NXN: variants seen among roughly 807,000 people sequenced by gnomAD.
The protein encoded by NXN is nucleoredoxin.
NXN carries 16 observed loss-of-function variants against 48.6 expected under a neutral mutation model. That is an observed-to-expected ratio of 0.33 (90% confidence interval 0.22 to 0.50). The LOEUF (loss-of-function observed/expected upper bound fraction) is 0.50, where lower values mean the gene tolerates loss of function less well. Among genes scored for constraint, NXN ranks in the 20% least tolerant of loss-of-function variants. The pLI, the probability that NXN is intolerant of heterozygous loss-of-function variation, is 0.98. For synonymous variants in NXN, 281 were observed against 269.6 expected, an observed-to-expected ratio of 1.04 and a Z score of -0.41; for missense variants, 492 against 605.5, an observed-to-expected ratio of 0.81 and a Z score of 1.97.
intron 1 of NXN, among the ~76,000 whole-genome samples, chr17:844,298 A>ACACGT (rs2067835411): frequency 1.5e-5 from 2 of 137,286 alleles, no homozygotes; most frequent in Non-Finnish European, 3.0e-5. Flanking sequence ...CCAGGCCATC[A>ACACGT]CACGTCCCGT....
At chr17:814,464 G>A (rs1912357010) in intron 5 of NXN, among the ~76,000 whole-genome samples, 1 of 152,012 alleles carries the variant, frequency 6.6e-6, no homozygotes, top group Non-Finnish European at 1.5e-5. Flanking sequence ...ATGTGGAAAG[G>A]CCTCCTGACC....
chr17:840,010 T>C (rs569108172), intron 1 of NXN, among the ~76,000 whole-genome samples: 21 of 150,358 alleles, frequency 1.4e-4, no homozygotes, highest in African/African-American at 4.7e-4. Context: ...GGCAGGAGAA[T>C]TGCTTTAACC....
chr17:968,930 C>T (rs333636), intron 1 of NXN, among the ~76,000 whole-genome samples: 13,617 of 149,652 alleles, frequency 0.091, 1,886 homozygotes, highest in African/African-American at 0.3. Flanking sequence ...GAGAGAGACA[C>T]GGTCTCAAAA....
In NXN at chr17:917,762, G is replaced by A. The variant is rs959854884; in HGVS notation, c.360+61557C>T. Among the ~76,000 whole-genome samples, 5 of 152,188 alleles carry A rather than the reference G, an allele frequency of 3.3e-5. No individual in the cohort carries two copies. Among genetic ancestry groups the A allele is most frequent in the African/African-American group, 9.7e-5 (4 of 41,442 alleles). ...AGGGGCGCGTACTGGCACAACAGGC[G>A]GGCGTGGCTCTCGCTCCCCAGGAAG... On this transcript the variant is annotated intron_variant, in intron 1 of 7. Coordinates refer to ENST00000336868, the MANE Select transcript of NXN (RefSeq NM_022463.5). This position sits in a 1 kb window ranked among gnomAD's most constrained non-coding sequence, Gnocchi z 4.5.
chr17:943,348 C>T (rs1672931655), intron 1 of NXN, among the ~76,000 whole-genome samples: 1 of 152,080 alleles, frequency 6.6e-6, no homozygotes, highest in Admixed American at 6.6e-5. Flanking sequence ...AAAGGAGGCT[C>T]CACGGAGGTC....
chr17:908,832 G>A lies in NXN; in HGVS notation c.360+70487C>T, dbSNP rs556305887. Among the ~76,000 whole-genome samples the A allele has an allele frequency of 2.7e-4, 41 of 152,082 alleles. 1 individual carries two copies. The South Asian group carries it at 8.5e-3, about 32-fold the overall frequency. ...TAATAATACACTCCCGGCTGGGTGC[G>A]GTGGCTCACACCTGTAATCCCAGCA... On this transcript the variant is annotated intron_variant, in intron 1 of 7. Transcript: ENST00000336868.
At chr17:929,669 TC>T (rs1198641800) in intron 1 of NXN, 3 of 152,128 alleles carry the variant, frequency 2.0e-5, no homozygotes, top group African/African-American at 7.2e-5. Flanking sequence ...CTACCACGCA[TC>T]CCTCAATCCC....
At chr17:824,342 T>G (rs1807166) in intron 2 of NXN, among the ~76,000 whole-genome samples, 37,578 of 152,056 alleles carry the variant, frequency 0.25, 4,859 homozygotes, top group Middle Eastern at 0.28. Flanking sequence ...CCACCGCACC[T>G]GGCCCTTCCA....
chr17:813,170 G>A (rs1158635706), intron 5 of NXN, among the ~76,000 whole-genome samples: 1 of 152,276 alleles, frequency 6.6e-6, no homozygotes, highest in Non-Finnish European at 1.5e-5. Context: ...TCAGAGTTTT[G>A]TGACGCTACA....
At chr17:874,887 T>C (rs1230813286) in intron 1 of NXN, among the ~76,000 whole-genome samples, 1 of 152,156 alleles carries the variant, frequency 6.6e-6, no homozygotes, top group Non-Finnish European at 1.5e-5. Flanking sequence ...AATAAATAAA[T>C]TACTGGCGCA....
rs2150651627 is a variant in NXN, at chr17:979,482, G to A, written c.197C>T (p.Ala66Val). ...GGCCCCCGCTCCCGGCCCCGGCCCG[G>A]CCGCCGCGTCCCCCCGCAGGCGCCC... The part of the protein sequence containing the change: ...FYGRLRGDAA[A>V]GPGPGAGAGA... The change falls in exon 1 of 8, where the codon GCC becomes GTC. Residue 66 changes from alanine to valine, a missense_variant. Physicochemically the swap from Ala to Val is moderately conservative, Grantham distance 64. This residue lies in a region of NXN where 186 missense variants were observed against 199.1 expected (regional missense o/e 0.93). Transcript: ENST00000336868. 1.7e-6 allele frequency: 2 copies of A among 1,193,144 alleles called. No individual in the cohort carries two copies. The highest frequency in any genetic ancestry group is 4.5e-5 in the Admixed American group (1 of 22,204). The allele number at this position is 1,193,144 out of a possible 1,614,324, so 73.9% of individuals were successfully genotyped here.
chr17:874,318 G>A lies in NXN; in HGVS notation c.361-48240C>T, dbSNP rs779311384. ...AAATTACCCAGTCTCAGCCGGGCAC[G>A]GTGGCTCACGCCTGTAATCCCAGCA... On this transcript the variant is annotated intron_variant, in intron 1 of 7. Coordinates refer to ENST00000336868, the MANE Select transcript of NXN (RefSeq NM_022463.5). 3.9e-5 allele frequency among the ~76,000 whole-genome samples: 6 copies of A among 152,236 alleles called. 1 individual carries two copies. The highest frequency in any genetic ancestry group is 2.0e-4 in the Admixed American group (3 of 15,286).
chr17:876,648 A>C (rs1468947238), intron 1 of NXN, among the ~76,000 whole-genome samples: 1 of 152,168 alleles, frequency 6.6e-6, no homozygotes, highest in East Asian at 1.9e-4. Flanking sequence ...GTTCGCTGAT[A>C]ATTACTTTCA....
At chr17:885,366 A>G (rs1471378359) in intron 1 of NXN, among the ~76,000 whole-genome samples, 1 of 152,006 alleles carries the variant, frequency 6.6e-6, no homozygotes, top group Non-Finnish European at 1.5e-5. Flanking sequence ...CATCCCAGCT[A>G]CTTGGGAGGC....
intron 1 of NXN, among the ~76,000 whole-genome samples, chr17:834,085 C>T (rs1268291331): frequency 1.3e-5 from 2 of 152,110 alleles, no homozygotes; most frequent in African/African-American, 2.4e-5. Flanking sequence ...TCTGGGGGGA[C>T]GAGGCGGGTG....
At chr17:832,469 G>A (rs1239494005) in intron 1 of NXN, among the ~76,000 whole-genome samples, 2 of 152,092 alleles carry the variant, frequency 1.3e-5, no homozygotes, top group African/African-American at 4.8e-5. Context: ...ACAGGCGTGA[G>A]CCACCATGCC....
chr17:958,517 C>T lies in NXN; in HGVS notation c.360+20802G>A, dbSNP rs1362821258. The stretch of plus-strand genomic sequence containing the variant: ...ATCTTAAAAATTAGCTCACTCCTAT[C>T]ATCCCAGCACTTTGGGAGGCCGAAG... On this transcript the variant is annotated intron_variant, in intron 1 of 7. Transcript: ENST00000336868. The surrounding 1 kb of genome is among the most constrained non-coding windows in gnomAD (Gnocchi z 6.9). Among the ~76,000 whole-genome samples, 10 of 152,078 alleles carry T rather than the reference C, an allele frequency of 6.6e-5. No homozygotes were observed. Among genetic ancestry groups the T allele is most frequent in the Admixed American group, 1.3e-4 (2 of 15,262 alleles).
chr17:838,214 C>A (rs1913938817), intron 1 of NXN, among the ~76,000 whole-genome samples: 3 of 145,986 alleles, frequency 2.1e-5, no homozygotes, highest in African/African-American at 7.6e-5. Context: ...TCACCACAAC[C>A]TCTGCCTCCT....
At chr17:948,640 G>C (rs574075772) in intron 1 of NXN, among the ~76,000 whole-genome samples, 7 of 152,100 alleles carry the variant, frequency 4.6e-5, no homozygotes, top group Middle Eastern at 3.4e-3. Flanking sequence ...ACCATCACTC[G>C]GTGCTTCACG....
Sources: allele counts gnomAD v4.1 joint callset (sites outside exome capture counted in the v4.1 genomes callset), GRCh38; gene constraint gnomAD v4.1.1; regional missense constraint gnomAD v4.1.1; non-coding constraint Gnocchi (gnomAD v3.1); transcripts MANE v1.5; gene names NCBI Gene and HGNC (gene_info 2026-07-23, HGNC 2026-07-21).